The following NEK1 variants were observed in gnomAD, a reference collection of about 807,000 sequenced individuals.
The protein encoded by NEK1 is NIMA related kinase 1.
NEK1 carries 137 observed loss-of-function variants against 182.1 expected under a neutral mutation model. The ratio of observed to expected loss-of-function variants is 0.75; its 90% CI spans 0.65 to 0.87. The LOEUF is 0.87. Among genes scored for constraint, NEK1 ranks in the 40% least tolerant of loss-of-function variants. NEK1 has a pLI of 0.00. For missense variants in NEK1, 1,391 were observed against 1,494.4 expected, an observed-to-expected ratio of 0.93 and a Z score of 1.14; for synonymous variants, 513 against 492.2, an observed-to-expected ratio of 1.04 and a Z score of -0.56.
At chr4:169,609,833 C>A (rs1318362996) in intron 2 of NEK1, among the ~76,000 whole-genome samples, 1 of 152,024 alleles carries the variant, frequency 6.6e-6, no homozygotes, top group East Asian at 1.9e-4. Context: ...AGAATACTGG[C>A]TAAATCAATT....
At chr4:169,560,324 C>CT (rs1209718853) in intron 16 of NEK1, among the ~76,000 whole-genome samples, 1 of 152,150 alleles carries the variant, frequency 6.6e-6, no homozygotes, top group Non-Finnish European at 1.5e-5. Flanking sequence ...AATTTTCTTG[C>CT]TAGTTGCTCA....
chr4:169,428,218 T>C (rs1736735161), intron 29 of NEK1, among the ~76,000 whole-genome samples: 17 of 151,748 alleles, frequency 1.1e-4, no homozygotes, highest in Admixed American at 9.9e-4. Flanking sequence ...CTCCAAGGTA[T>C]ATACCCAAAG....
At chr4:169,445,526 A>G (rs1187942687) in intron 27 of NEK1, among the ~76,000 whole-genome samples, 1 of 152,192 alleles carries the variant, frequency 6.6e-6, no homozygotes, top group Non-Finnish European at 1.5e-5. Flanking sequence ...AAGCAGCAAC[A>G]TGGATGGAGC....
At position 169,610,750 on chromosome 4, in the gene NEK1, A is replaced by AT. The variant is rs543682571; in HGVS notation, c.-49+1269dup. 2.8e-3 allele frequency among the ~76,000 whole-genome samples: 427 copies of AT among 152,372 alleles called. 3 individuals carry two copies. The highest frequency in any genetic ancestry group is 0.01 in the Middle Eastern group (3 of 294). ...TCTGGAACACATACTTAGGTTAAGCATTAAGCTCTCATCAGGTGTTTCAGA... is the reference window on the plus strand; with the variant it reads ...TCTGGAACACATACTTAGGTTAAGCATTTAAGCTCTCATCAGGTGTTTCAGA... On this transcript the variant is annotated intron_variant, in intron 2 of 35. Coordinates refer to ENST00000507142, the MANE Select transcript of NEK1 (RefSeq NM_001199397.3).
intron 5 of NEK1, among the ~76,000 whole-genome samples, chr4:169,597,458 A>T (rs985274871): frequency 2.6e-5 from 4 of 152,102 alleles, no homozygotes; most frequent in African/African-American, 7.2e-5. Context: ...TACAAAAAAA[A>T]AATAATAATA....
chr4:169,484,138 T>C (rs1234616504), intron 23 of NEK1, among the ~76,000 whole-genome samples: 1 of 152,216 alleles, frequency 6.6e-6, no homozygotes, highest in Non-Finnish European at 1.5e-5. Context: ...GAACACATTC[T>C]GCTATTTTTA....
chr4:169,491,252 C>A (rs916816222), intron 23 of NEK1, among the ~76,000 whole-genome samples: 3 of 149,920 alleles, frequency 2.0e-5, no homozygotes, highest in Admixed American at 6.6e-5. Flanking sequence ...TCATCCATAT[C>A]TACAGAAGTT....
chr4:169,602,743 T>C (rs1412097955), intron 2 of NEK1, 65 bp from the exon 3 acceptor site: 6 of 600,624 alleles, frequency 1.0e-5, no homozygotes, highest in Non-Finnish European at 1.8e-5. Flanking sequence ...ACAATTTTAA[T>C]GTTTAATTCA....
At chr4:169,569,664 G>A (rs1348794395) in intron 12 of NEK1, among the ~76,000 whole-genome samples, 4 of 152,100 alleles carry the variant, frequency 2.6e-5, no homozygotes, top group Non-Finnish European at 2.9e-5. Flanking sequence ...ACTGGTTTTC[G>A]TATTTTTTTG....
intron 27 of NEK1, among the ~76,000 whole-genome samples, chr4:169,458,598 C>T (rs1201580583): frequency 6.6e-6 from 1 of 151,996 alleles, no homozygotes; most frequent in Non-Finnish European, 1.5e-5. Flanking sequence ...CACAATGATG[C>T]ACACTGGTGG....
Position 169,438,173 on chromosome 4 carries a change from C to T in NEK1, c.2674G>A (p.Ala892Thr). ...QCISHEINPS[A>T]IVDSPVETKS... Reference sequence around the variant, plus strand: ...GTCTCAACAGGAGAATCAACAATAGCTGATGGGTTTATTTCATGTGAAATA... The same window carrying T: ...GTCTCAACAGGAGAATCAACAATAGTTGATGGGTTTATTTCATGTGAAATA... Residue 892 changes from alanine (A) to threonine (T), a missense_variant, in exon 28 of 36, where the codon GCT (alanine) becomes ACT (threonine). Ala to Thr is a moderately conservative substitution (Grantham distance 58). Around this residue, in one of 5 missense-constraint regions of NEK1, gnomAD observed 1,216 missense variants for 1,277.6 expected, o/e 0.95. Coordinates refer to ENST00000507142, the MANE Select transcript of NEK1 (RefSeq NM_001199397.3). 6.2e-7 allele frequency: 1 copy of T among 1,604,980 alleles called. No homozygotes were observed. Among genetic ancestry groups the T allele is most frequent in the Non-Finnish European group, 8.5e-7 (1 of 1,174,912 alleles).
At chr4:169,560,537 T>C (rs934670053) in intron 16 of NEK1, among the ~76,000 whole-genome samples, 7 of 152,278 alleles carry the variant, frequency 4.6e-5, no homozygotes, top group African/African-American at 1.7e-4. Context: ...AGTGAGCTGC[T>C]ATACTACAGT....
chr4:169,512,148 T>A (rs1754294528), intron 19 of NEK1, among the ~76,000 whole-genome samples: 1 of 152,160 alleles, frequency 6.6e-6, no homozygotes, highest in South Asian at 2.1e-4. Context: ...ATGAAATCGC[T>A]GGTTCTTGGT....
At chr4:169,461,222 T>C (rs1343796812) in intron 27 of NEK1, among the ~76,000 whole-genome samples, 5 of 152,186 alleles carry the variant, frequency 3.3e-5, no homozygotes, top group African/African-American at 1.2e-4. Flanking sequence ...GCTAAACCTT[T>C]GTCTTTGCAT....
At chr4:169,408,828 T>C (rs925844112) in intron 31 of NEK1, among the ~76,000 whole-genome samples, 1 of 152,262 alleles carries the variant, frequency 6.6e-6, no homozygotes, top group Non-Finnish European at 1.5e-5. Context: ...CTGAGTAGTC[T>C]TCCAAGGTAC....
chr4:169,590,898 A>T (rs1768370138), intron 5 of NEK1, 89 bp from the exon 6 acceptor site: 1 of 852,648 alleles, frequency 1.2e-6, no homozygotes, highest in Non-Finnish European at 1.9e-6. Context: ...TAAATCCTTA[A>T]AAAGATATTT....
chr4:169,601,491 A>G (rs1770482341), intron 4 of NEK1, among the ~76,000 whole-genome samples: 1 of 152,158 alleles, frequency 6.6e-6, no homozygotes, highest in African/African-American at 2.4e-5. Flanking sequence ...GAACCTGAGA[A>G]AACTTTCAAC....
At chr4:169,525,855 A>G (rs188801918) in intron 19 of NEK1, among the ~76,000 whole-genome samples, 2 of 152,356 alleles carry the variant, frequency 1.3e-5, no homozygotes, top group Admixed American at 6.5e-5. Context: ...TAAAAGCATA[A>G]TCTTGAGAGT....
At chr4:169,444,581 T>C (rs547492975) in intron 27 of NEK1, among the ~76,000 whole-genome samples, 1 of 152,054 alleles carries the variant, frequency 6.6e-6, no homozygotes, top group Non-Finnish European at 1.5e-5. Flanking sequence ...TATAAATAGA[T>C]GTGCACTCAA....
Sources: gnomAD v4.1 joint callset for allele counts (sites outside exome capture counted in the v4.1 genomes callset) on GRCh38, gnomAD v4.1.1 for gene constraint, gnomAD v4.1.1 regional missense constraint, MANE v1.5 for transcripts, NCBI Gene and HGNC (gene_info 2026-07-23, HGNC 2026-07-21) for gene names.